TCF4: variants seen among roughly 807,000 people sequenced by gnomAD.
TCF4 encodes the protein SL3-3 enhancer factor 2.
A neutral mutation model predicts 82.1 loss-of-function variants in TCF4; 3 were observed. That is an observed-to-expected ratio of 0.04 (90% CI 0.02 to 0.09). The LOEUF is 0.09. Among genes scored for constraint, TCF4 ranks in the 10% least tolerant of loss-of-function variants. TCF4 has a pLI of 1.00. For missense variants in TCF4, 518 were observed against 852.7 expected (o/e 0.61, Z 4.89); for synonymous variants, 276 against 309.6 (o/e 0.89, Z 1.14).
At chr18:55,318,310 T>C (rs967114565) in intron 8 of TCF4, among the ~76,000 whole-genome samples, 1 of 152,102 alleles carries the variant, frequency 6.6e-6, no homozygotes, top group Non-Finnish European at 1.5e-5. Flanking sequence ...AGGTAATGCC[T>C]AATACTTCTT....
chr18:55,392,182 C>T lies in TCF4; in HGVS notation c.369+11272G>A, dbSNP rs551622961. Among the ~76,000 whole-genome samples the T allele has an allele frequency of 6.4e-4, 97 of 151,296 alleles. 1 individual carries two copies. The highest frequency in any genetic ancestry group is 1.3e-3 in the Non-Finnish European group (88 of 67,804). On this transcript the variant is annotated intron_variant, in intron 6 of 19. Transcript: ENST00000354452. ...ATTTCGCCATGTTCGTCAGGCTGGT[C>T]TCGAACTCCTGTCCTCAAGTGATCC...
chr18:55,495,355 C>T (rs2096623534), intron 3 of TCF4, among the ~76,000 whole-genome samples: 1 of 150,710 alleles, frequency 6.6e-6, no homozygotes, highest in South Asian at 2.1e-4. Context: ...AAGTTGGATA[C>T]TTGGCCACTT....
At position 55,497,284 on chromosome 18, in the gene TCF4, T is replaced by C. The variant is rs573250618; in HGVS notation, c.146-33147A>G. ...CATATTCCAATTTAACAAAAACATTTATTTTATAAACAGAAAAGGAAATGA... is the reference window on the plus strand; with the variant it reads ...CATATTCCAATTTAACAAAAACATTCATTTTATAAACAGAAAAGGAAATGA... On this transcript the variant is annotated intron_variant, in intron 3 of 19. Transcript: ENST00000354452. Among the ~76,000 whole-genome samples, 3 of 152,328 alleles carry C rather than the reference T, an allele frequency of 2.0e-5. No homozygotes were observed. The East Asian group carries it at 5.8e-4, about 29-fold the overall frequency.
At chr18:55,413,935 C>A (rs181186754) in intron 5 of TCF4, among the ~76,000 whole-genome samples, 1 of 152,276 alleles carries the variant, frequency 6.6e-6, no homozygotes, top group Admixed American at 6.5e-5. Flanking sequence ...TTCTGTGTAA[C>A]ATGTGCTGGA....
At chr18:55,409,123 CTA>C (rs911775891) in intron 5 of TCF4, among the ~76,000 whole-genome samples, 19 of 152,218 alleles carry the variant, frequency 1.2e-4, no homozygotes, top group African/African-American at 3.4e-4. Flanking sequence ...TATGTGAAGA[CTA>C]TGTCTTTGTA....
At chr18:55,419,377 G>T (rs902740766) in intron 5 of TCF4, among the ~76,000 whole-genome samples, 2 of 151,316 alleles carry the variant, frequency 1.3e-5, no homozygotes, top group African/African-American at 4.9e-5. Flanking sequence ...GACGTTAGAG[G>T]TATTCAACAT....
At chr18:55,316,486 T>A (rs2074169684) in intron 8 of TCF4, among the ~76,000 whole-genome samples, 1 of 151,992 alleles carries the variant, frequency 6.6e-6, no homozygotes, top group Non-Finnish European at 1.5e-5. Context: ...AACACACACA[T>A]ACAAAATTCA....
Position 55,234,632 on chromosome 18 carries a change from G to T in TCF4, c.1402C>A (p.Leu468Met). 1.2e-6 allele frequency: 2 copies of T among 1,614,158 alleles called. No individual in the cohort carries two copies. Among genetic ancestry groups the T allele is most frequent in the Admixed American group, 3.3e-5 (2 of 60,008 alleles). Residue 468 changes from leucine (L) to methionine (M), a missense_variant, in exon 16 of 20, where the codon CTG becomes ATG. Leu to Met is a conservative substitution (Grantham distance 15). This residue lies in a region of TCF4 where 144 missense variants were observed against 190.2 expected (regional missense o/e 0.76). Coordinates refer to ENST00000354452, the MANE Select transcript of TCF4 (RefSeq NM_001083962.2). ...GVALRGSHSL[L>M]PNQVPVPQLP... ...TGTGGAACCGGAACCTGGTTTGGCA[G>T]AAGAGAATGGCTGCCTCTCAGGGCC... is the stretch of plus-strand genomic sequence containing the variant.
chr18:55,270,014 G>A, intron 10 of TCF4, 51 bp from the exon 11 acceptor site: 2 of 1,608,540 alleles, frequency 1.2e-6, no homozygotes, highest in South Asian at 1.1e-5. Flanking sequence ...AAGGTATTTA[G>A]TGAGTTATTT....
intron 6 of TCF4, among the ~76,000 whole-genome samples, chr18:55,369,993 T>C (rs1005753714): frequency 1.1e-4 from 16 of 152,172 alleles, no homozygotes. Flanking sequence ...CCAACACTAG[T>C]CTCAGGTACC....
At chr18:55,409,108 A>G (rs2094227713) in intron 5 of TCF4, among the ~76,000 whole-genome samples, 1 of 152,172 alleles carries the variant, frequency 6.6e-6, no homozygotes, top group Non-Finnish European at 1.5e-5. Flanking sequence ...GCATTTCTAC[A>G]CCTCTATGTG....
At position 55,321,798 on chromosome 18, in the gene TCF4, G is replaced by A. The variant is rs899293835; in HGVS notation, c.549+28561C>T. On this transcript the variant is annotated intron_variant, in intron 8 of 19. Transcript: ENST00000354452. Reference sequence around the variant, plus strand: ...TAACAACTTTTATTTCAAACTCGCTGTCCCTTTTTTCACAACAATTCCTTC... The same window carrying A: ...TAACAACTTTTATTTCAAACTCGCTATCCCTTTTTTCACAACAATTCCTTC... 5 of 1,509,874 alleles carry A rather than the reference G, an allele frequency of 3.3e-6. No homozygotes were observed. In the African/African-American group the frequency reaches 6.9e-5, roughly 21 times the overall value. The allele number at this position is 1,509,874 out of a possible 1,614,324, so 93.5% of individuals were successfully genotyped here.
chr18:55,510,102 T>C (rs944036672), intron 3 of TCF4, among the ~76,000 whole-genome samples: 2 of 149,302 alleles, frequency 1.3e-5, no homozygotes, highest in African/African-American at 5.1e-5. Context: ...CAAGGCCAAG[T>C]CTCCCCCTGA....
chr18:55,390,138 G>A (rs1199513038), intron 6 of TCF4, among the ~76,000 whole-genome samples: 1 of 151,954 alleles, frequency 6.6e-6, no homozygotes, highest in African/African-American at 2.4e-5. Flanking sequence ...CCAAACACAT[G>A]TAAGAATACG....
At position 55,615,384 on chromosome 18, in the gene TCF4, A is replaced by ATCTTGTAT. The variant is rs1417369131; in HGVS notation, c.286+15906_286+15913dup. 1.2e-3 allele frequency among the ~76,000 whole-genome samples: 184 copies of ATCTTGTAT among 152,078 alleles called. 4 individuals are homozygous for ATCTTGTAT. Among genetic ancestry groups the ATCTTGTAT allele is most frequent in the Non-Finnish European group, 2.8e-4 (19 of 67,928 alleles). On this transcript the variant is annotated intron_variant, in intron 2 of 20. Coordinates refer to the TCF4 transcript ENST00000398339. ...AATGTAACCAATTTTTGCATAAGTT[A>ATCTTGTAT]TCTTGTATCCTGAACCTGGCTAAAC...
At chr18:55,297,925 T>C (rs1369987223) in intron 8 of TCF4, among the ~76,000 whole-genome samples, 2 of 152,226 alleles carry the variant, frequency 1.3e-5, no homozygotes, top group Non-Finnish European at 1.5e-5. Context: ...TTTTATCTTT[T>C]AACATCATTG....
At chr18:55,499,724 G>C (rs146953959) in intron 3 of TCF4, among the ~76,000 whole-genome samples, 42 of 152,336 alleles carry the variant, frequency 2.8e-4, no homozygotes, top group African/African-American at 9.9e-4. Context: ...CCTGGGGAAA[G>C]AGCATTTTTA....
At chr18:55,587,281 CTT>C (rs1555784500) in intron 1 of TCF4, 145 bp from the exon 2 acceptor site, 14 of 393,660 alleles carry the variant, frequency 3.6e-5, no homozygotes, top group Non-Finnish European at 3.3e-5. Context: ...GGATGGGAGA[CTT>C]GTTGTTGGGT....
chr18:55,566,317 G>A (rs1386485100), intron 3 of TCF4, among the ~76,000 whole-genome samples: 1 of 152,134 alleles, frequency 6.6e-6, no homozygotes, highest in Non-Finnish European at 1.5e-5. Context: ...AAGGTAGAGG[G>A]GCAGGAGGCG....
Sources: gnomAD v4.1 joint callset for allele counts (sites outside exome capture counted in the v4.1 genomes callset) on GRCh38, gnomAD v4.1.1 for gene constraint, gnomAD v4.1.1 regional missense constraint, MANE v1.5 for transcripts, NCBI Gene and HGNC (gene_info 2026-07-23, HGNC 2026-07-21) for gene names.